The following GLIS1 variants were observed in gnomAD, a reference collection of about 807,000 sequenced individuals.
The protein encoded by GLIS1 is GLIS family zinc finger 1.
GLIS1 carries 24 observed loss-of-function variants against 63.8 expected under a neutral mutation model. That is an observed-to-expected ratio of 0.38 (90% CI 0.27 to 0.53). GLIS1 has a LOEUF of 0.53. Ranked by LOEUF, GLIS1 falls within the 20% of genes least tolerant of loss-of-function variation. The probability of loss-of-function intolerance (pLI) is 0.85; values close to 1 mark genes in which losing one functional copy is unlikely to be tolerated. For missense variants in GLIS1, 1,036 were observed against 1,074.1 expected (o/e 0.96, Z 0.50); for synonymous variants, 450 against 482.5 (o/e 0.93, Z 0.88).
At chr1:53,523,284 A>G (rs1488345014) in intron 6 of GLIS1, among the ~76,000 whole-genome samples, 1 of 151,932 alleles carries the variant, frequency 6.6e-6, no homozygotes, top group Non-Finnish European at 1.5e-5. Flanking sequence ...ACAGCTTCCA[A>G]TGCTCCCCAC....
chr1:53,614,775 G>C (rs1167257985), intron 2 of GLIS1, among the ~76,000 whole-genome samples: 1 of 150,256 alleles, frequency 6.7e-6, no homozygotes, highest in Non-Finnish European at 1.5e-5. Context: ...AGATCTCACA[G>C]AATTGTTCTC....
intron 2 of GLIS1, among the ~76,000 whole-genome samples, chr1:53,632,913 G>GGT (rs1645677494): frequency 7.3e-6 from 1 of 136,768 alleles, no homozygotes; most frequent in Non-Finnish European, 1.6e-5. Flanking sequence ...GTGAATGAGA[G>GGT]GTGTGAATGA....
intron 2 of GLIS1, among the ~76,000 whole-genome samples, chr1:53,681,741 C>T (rs760609745): frequency 6.6e-5 from 10 of 152,168 alleles, no homozygotes; most frequent in Middle Eastern, 3.2e-3. Flanking sequence ...GCTCTAGGTG[C>T]GTGGGACACA....
At chr1:53,567,935 TTAAGG>T (rs1376528437) in intron 4 of GLIS1, among the ~76,000 whole-genome samples, 1 of 152,220 alleles carries the variant, frequency 6.6e-6, no homozygotes, top group Non-Finnish European at 1.5e-5. Context: ...ACAACCTCTA[TTAAGG>T]CAGTGAAAAG....
chr1:53,515,615 A>G (rs1319629557), intron 7 of GLIS1, among the ~76,000 whole-genome samples: 1 of 152,036 alleles, frequency 6.6e-6, no homozygotes, highest in Admixed American at 6.5e-5. Context: ...AGGGAGGCTA[A>G]TAAATCAATG....
intron 2 of GLIS1, among the ~76,000 whole-genome samples, chr1:53,638,460 G>A (rs1279721953): frequency 6.6e-6 from 1 of 152,168 alleles, no homozygotes; most frequent in Non-Finnish European, 1.5e-5. Context: ...GGGTTAACCA[G>A]GAGCCACTAC....
intron 2 of GLIS1, among the ~76,000 whole-genome samples, chr1:53,679,427 C>T (rs1482923801): frequency 6.6e-6 from 1 of 152,200 alleles, no homozygotes; most frequent in Admixed American, 6.5e-5. Context: ...TGAGGCTGAA[C>T]GTCTGACCTG....
intron 3 of GLIS1, among the ~76,000 whole-genome samples, chr1:53,596,594 A>C (rs557109370): frequency 6.6e-6 from 1 of 152,174 alleles, no homozygotes; most frequent in Non-Finnish European, 1.5e-5. Flanking sequence ...GGGAGCTCTT[A>C]TCGCCATTCA....
At chr1:53,543,846 A>G (rs1644670040) in intron 4 of GLIS1, among the ~76,000 whole-genome samples, 1 of 152,066 alleles carries the variant, frequency 6.6e-6, no homozygotes, top group Non-Finnish European at 1.5e-5. Context: ...CGGCTCTCAC[A>G]TGAGCCTTCC....
intron 2 of GLIS1, among the ~76,000 whole-genome samples, chr1:53,640,995 G>C (rs17383010): frequency 0.09 from 13,705 of 152,254 alleles, 875 homozygotes; most frequent in South Asian, 0.24. Flanking sequence ...CAAAAGCACA[G>C]GGAGACAGGC....
At chr1:53,585,082 T>C (rs959336737) in intron 4 of GLIS1, among the ~76,000 whole-genome samples, 2 of 152,240 alleles carry the variant, frequency 1.3e-5, no homozygotes, top group Admixed American at 6.5e-5. Context: ...TTGTGTTTTT[T>C]ATCCTTAATT....
chr1:53,612,773 G>C (rs1007846520), intron 2 of GLIS1, among the ~76,000 whole-genome samples: 2 of 151,702 alleles, frequency 1.3e-5, no homozygotes, highest in African/African-American at 4.8e-5. Flanking sequence ...CTTCTCTCTG[G>C]TGTCTTGGTC....
At chr1:53,637,017 T>C (rs1356799422) in intron 2 of GLIS1, among the ~76,000 whole-genome samples, 1 of 152,090 alleles carries the variant, frequency 6.6e-6, no homozygotes, top group Non-Finnish European at 1.5e-5. Flanking sequence ...GACGTGAGGG[T>C]GACTGGACAT....
At chr1:53,599,957 C>T (rs1645299075) in intron 3 of GLIS1, 144 bp downstream of exon 3, 3 of 419,426 alleles carry the variant, frequency 7.2e-6, no homozygotes, top group East Asian at 7.1e-5. Flanking sequence ...AGGATCTAGG[C>T]CAGGTAGCTG....
At chr1:53,637,741 A>C (rs777747686) in intron 2 of GLIS1, among the ~76,000 whole-genome samples, 5 of 152,170 alleles carry the variant, frequency 3.3e-5, no homozygotes, top group Admixed American at 3.3e-4. Context: ...GTGGCCTCGC[A>C]GTGACTGTAC....
intron 2 of GLIS1, among the ~76,000 whole-genome samples, chr1:53,607,535 C>T (rs906756611): frequency 3.3e-5 from 5 of 152,148 alleles, no homozygotes; most frequent in Non-Finnish European, 2.9e-5. Context: ...AGGCTCTTTC[C>T]GTGCCAGTAT....
Position 53,528,674 on chromosome 1 carries a change from C to T in GLIS1, c.1482+1117G>A, listed in dbSNP as rs115316583. Among the ~76,000 whole-genome samples, 372 of 152,248 alleles carry T rather than the reference C, an allele frequency of 2.4e-3. 2 individuals carry two copies. Among genetic ancestry groups the T allele is most frequent in the African/African-American group, 8.7e-3 (363 of 41,538 alleles). On this transcript the variant is annotated intron_variant, in intron 5 of 10. Transcript: ENST00000628545. ...GGCTGGCATCAGAGACCTGCAAGTG[C>T]CCTTTCAGCTCTGACCTCTGCTGTC...
chr1:53,515,816 TAAAAAA>T (rs58953406), intron 7 of GLIS1, among the ~76,000 whole-genome samples: 1 of 69,136 alleles, frequency 1.4e-5, no homozygotes, highest in Admixed American at 1.8e-4. Flanking sequence ...CTATTTTATC[TAAAAAA>T]AAAAAAAAAA....
chr1:53,594,960 G>A lies in GLIS1; in HGVS notation c.468C>T (p.Asn156=), dbSNP rs1169826928. The A allele has an allele frequency of 1.9e-5, 28 of 1,454,324 alleles. No individual in the cohort carries two copies. The highest frequency in any genetic ancestry group is 1.5e-4 in the East Asian group (6 of 40,530). The allele number at this position is 1,454,324 out of a possible 1,614,324, so 90.1% of individuals were successfully genotyped here. A position where few individuals can be genotyped will look rare whatever the true frequency, so the allele number is the denominator to read the frequency against. The change falls in exon 4 of 11, where the codon AAC becomes AAT. Residue 156 remains asparagine (N), a synonymous_variant. Coordinates refer to ENST00000628545, the MANE Select transcript of GLIS1 (RefSeq NM_001367484.1). ...RSPRPQATYV[N]GSLPTTQHIK... The stretch of plus-strand genomic sequence containing the variant: ...TGTGTTGTGTGGTTGGGAGGCTGCC[G>A]TTCACATACGTGGCCTGGGGTCTAG...
Sources: allele counts gnomAD v4.1 joint callset (sites outside exome capture counted in the v4.1 genomes callset), GRCh38; gene constraint gnomAD v4.1.1; transcripts MANE v1.5; gene names NCBI Gene and HGNC (gene_info 2026-07-23, HGNC 2026-07-21).